C10orf71: variants seen among roughly 807,000 people sequenced by gnomAD.
The protein encoded by C10orf71 is cardiac-enriched FHL2-interacting protein.
For missense variants in C10orf71, 1,869 were observed against 1,804.5 expected (o/e 1.04, Z -0.65); for synonymous variants, 758 against 726.3 (o/e 1.04, Z -0.70).
intron 1 of C10orf71, among the ~76,000 whole-genome samples, chr10:49,315,802 T>C (rs1321309599): frequency 6.6e-6 from 1 of 152,216 alleles, no homozygotes; most frequent in Admixed American, 6.5e-5. Context: ...ACCCCTGTAA[T>C]CCCAGAACTT....
At chr10:49,307,190 C>T (rs1015013451) in intron 1 of C10orf71, among the ~76,000 whole-genome samples, 2 of 152,234 alleles carry the variant, frequency 1.3e-5, no homozygotes, top group Non-Finnish European at 2.9e-5. Context: ...CCTCTGAGCT[C>T]ACAAGGAGAC....
chr10:49,310,003 T>C (rs1035926117), intron 1 of C10orf71, among the ~76,000 whole-genome samples: 2 of 152,298 alleles, frequency 1.3e-5, no homozygotes, highest in East Asian at 1.9e-4. Flanking sequence ...AAAACCACAC[T>C]ACCGGCAAGT....
chr10:49,323,503 C>A lies in C10orf71; in HGVS notation c.958C>A (p.Arg320Ser), dbSNP rs376896508. Residue 320 changes from arginine (R) to serine (S), a missense_variant, in exon 3 of 3, where the codon CGC becomes AGC. Physicochemically the swap from Arg to Ser is moderately radical, Grantham distance 110 (BLOSUM62 -1). Transcript: ENST00000374144. ...TLLREPCPPE[R>S]TVSPCQVQAS... ...GCTAAGAGAACCCTGTCCTCCTGAG[C>A]GCACAGTCTCTCCCTGCCAGGTCCA... The A allele has an allele frequency of 5.6e-6, 9 of 1,612,900 alleles. No homozygotes were observed. The highest frequency in any genetic ancestry group is 1.7e-5 in the Admixed American group (1 of 59,984).
rs1467525777 is a variant in C10orf71 at position 49,326,247 on chromosome 10, G to T, written c.3702G>T (p.Val1234=). The T allele has an allele frequency of 5.2e-6, 8 of 1,550,488 alleles. No individual in the cohort carries two copies. The South Asian group carries it at 8.3e-5, about 16-fold the overall frequency. Reference sequence around the variant, plus strand: ...AGAGGCCCCGACACAATTTCCCCGTGGTCCGTTCCCTGCCCCCTCCCGTGC... The same window carrying T: ...AGAGGCCCCGACACAATTTCCCCGTTGTCCGTTCCCTGCCCCCTCCCGTGC... The part of the protein sequence containing the change: ...PRERPRHNFP[V]VRSLPPPVHR... The change falls in exon 3 of 3, where the codon GTG becomes GTT. Residue 1234 remains valine, a synonymous_variant. Transcript: ENST00000374144.
chr10:49,315,176 CA>C (rs1848979754), intron 1 of C10orf71, among the ~76,000 whole-genome samples: 1 of 152,086 alleles, frequency 6.6e-6, no homozygotes, highest in Non-Finnish European at 1.5e-5. Flanking sequence ...TGTGATTCTC[CA>C]AAGAAATAGA....
At position 49,324,952 on chromosome 10, in the gene C10orf71, G is replaced by C. The variant is rs1241014144; in HGVS notation, c.2407G>C (p.Glu803Gln). The change falls in exon 3 of 3, where the codon GAA becomes CAA. Residue 803 changes from glutamate to glutamine, a missense_variant. Transcript: ENST00000374144. ...NRSQGEALQR[E>Q]RESVSGGRTR... ...CAGCCAGGGGGAAGCATTGCAAAGAGAAAGGGAAAGTGTGTCTGGAGGAAG... is the reference window on the plus strand; with the variant it reads ...CAGCCAGGGGGAAGCATTGCAAAGACAAAGGGAAAGTGTGTCTGGAGGAAG... 14 of 1,550,920 alleles carry C rather than the reference G, an allele frequency of 9.0e-6. No individual in the cohort carries two copies. Among genetic ancestry groups the C allele is most frequent in the Non-Finnish European group, 1.2e-5 (14 of 1,146,510 alleles).
At chr10:49,312,833 GTAAA>G (rs774624036) in intron 1 of C10orf71, among the ~76,000 whole-genome samples, 3 of 152,178 alleles carry the variant, frequency 2.0e-5, no homozygotes, top group Non-Finnish European at 2.9e-5. Flanking sequence ...GAATCAAAAA[GTAAA>G]TAAAATCCAC....
chr10:49,308,245 G>A (rs1848850589), intron 1 of C10orf71, among the ~76,000 whole-genome samples: 1 of 152,228 alleles, frequency 6.6e-6, no homozygotes, highest in African/African-American at 2.4e-5. Flanking sequence ...AAGATTTAGA[G>A]GCTCCTGCAC....
chr10:49,322,516 T>G lies in C10orf71; in HGVS notation c.-30T>G. 6.4e-7 allele frequency: 1 copy of G among 1,562,630 alleles called. No individual in the cohort carries two copies. The highest frequency in any genetic ancestry group is 8.7e-7 in the Non-Finnish European group (1 of 1,150,956). On this transcript the variant is annotated 5_prime_UTR_variant, in exon 3 of 3. Transcript: ENST00000374144. ...ATCATCACCAGAGACACCTGCCGGCTGACAAGGACAGCTTTCTTGGAGCCA... is the reference window on the plus strand; with the variant it reads ...ATCATCACCAGAGACACCTGCCGGCGGACAAGGACAGCTTTCTTGGAGCCA...
intron 2 of C10orf71, among the ~76,000 whole-genome samples, chr10:49,319,904 G>A (rs1849066218): frequency 6.6e-6 from 1 of 151,852 alleles, no homozygotes; most frequent in South Asian, 2.1e-4. Context: ...GATAAATACT[G>A]TATGATTGCA....
intron 1 of C10orf71, among the ~76,000 whole-genome samples, chr10:49,308,003 G>T (rs904940278): frequency 6.6e-6 from 1 of 152,188 alleles, no homozygotes; most frequent in African/African-American, 2.4e-5. Context: ...GCAGCACTTG[G>T]AAGCTTCTGG....
Position 49,324,908 on chromosome 10 carries a change from A to G in C10orf71, c.2363A>G (p.His788Arg). 6.4e-7 allele frequency: 1 copy of G among 1,550,860 alleles called. No homozygotes were observed. Among genetic ancestry groups the G allele is most frequent in the Admixed American group, 2.0e-5 (1 of 50,986 alleles). ...ELQYCALSNGHACLENRSQGE... is the reference protein window; with the variant it reads ...ELQYCALSNGRACLENRSQGE... ...CAGTACTGTGCCTTAAGCAATGGGC[A>G]CGCATGCCTGGAAAACCGCAGCCAG... The change falls in exon 3 of 3, where the codon CAC becomes CGC. Residue 788 changes from histidine (H) to arginine (R), a missense_variant. Coordinates refer to ENST00000374144, the MANE Select transcript of C10orf71 (RefSeq NM_001135196.2).
chr10:49,300,461 CAAAAAAAAA>C (rs60669434), intron 1 of C10orf71, among the ~76,000 whole-genome samples: 2 of 108,582 alleles, frequency 1.8e-5, no homozygotes, highest in African/African-American at 3.3e-5. Flanking sequence ...CAATTTAATA[CAAAAAAAAA>C]AAAAAAAAAA....
At chr10:49,313,981 C>T (rs1848958513) in intron 1 of C10orf71, among the ~76,000 whole-genome samples, 1 of 152,082 alleles carries the variant, frequency 6.6e-6, no homozygotes, top group Non-Finnish European at 1.5e-5. Context: ...GGCTCCAGGG[C>T]TGGGAGCAGA....
intron 2 of C10orf71, among the ~76,000 whole-genome samples, chr10:49,322,106 T>C (rs1047809012): frequency 6.6e-6 from 1 of 152,254 alleles, no homozygotes; most frequent in African/African-American, 2.4e-5. Context: ...TTTGTTTGTG[T>C]TGCTTGCGAA....
chr10:49,320,735 A>G (rs1849080804), intron 2 of C10orf71, among the ~76,000 whole-genome samples: 1 of 152,164 alleles, frequency 6.6e-6, no homozygotes, highest in Admixed American at 6.5e-5. Context: ...AGAGGGAGTG[A>G]TTTATTTTAA....
intron 1 of C10orf71, among the ~76,000 whole-genome samples, chr10:49,301,137 C>A: frequency 6.6e-6 from 1 of 152,170 alleles, no homozygotes; most frequent in South Asian, 2.1e-4. Context: ...GGCACCAGAA[C>A]TGGGCCGTCT....
chr10:49,319,895 A>G (rs185338261), intron 2 of C10orf71, among the ~76,000 whole-genome samples: 55 of 152,184 alleles, frequency 3.6e-4, no homozygotes, highest in African/African-American at 1.3e-3. Flanking sequence ...TCACAGAAAG[A>G]TAAATACTGT....
At chr10:49,301,177 T>C (rs750171489) in intron 1 of C10orf71, among the ~76,000 whole-genome samples, 7 of 152,148 alleles carry the variant, frequency 4.6e-5, no homozygotes, top group Non-Finnish European at 7.4e-5. Context: ...TTTTACTCCA[T>C]ATGCCCTGGG....
Sources: allele counts gnomAD v4.1 joint callset (sites outside exome capture counted in the v4.1 genomes callset), GRCh38; gene constraint gnomAD v4.1.1; transcripts MANE v1.5; gene names NCBI Gene and HGNC (gene_info 2026-07-23, HGNC 2026-07-21).